Variants in PAX2 observed in about 807,000 individuals in gnomAD.
PAX2 encodes the protein paired box 2.
In PAX2, 9 loss-of-function variants were observed where a neutral mutation model predicts 41.7. The observed-to-expected ratio is 0.22, with a 90% CI of 0.13 to 0.38. The LOEUF is 0.38. Among genes scored for constraint, PAX2 ranks in the 10% least tolerant of loss-of-function variants. The probability of loss-of-function intolerance (pLI) is 1.00; values close to 1 mark genes in which losing one functional copy is unlikely to be tolerated. For missense variants in PAX2, 418 were observed against 531.6 expected, an observed-to-expected ratio of 0.79 and a Z score of 2.10; for synonymous variants, 221 against 212.7, an observed-to-expected ratio of 1.04 and a Z score of -0.34.
At chr10:100,802,062 G>A (rs1451868807) in intron 5 of PAX2, among the ~76,000 whole-genome samples, 1 of 152,184 alleles carries the variant, frequency 6.6e-6, no homozygotes, top group Non-Finnish European at 1.5e-5. Flanking sequence ...CTGGGCAGGG[G>A]GCAGACGGAG....
At chr10:100,747,875 G>C (rs956510053) in intron 1 of PAX2, 1 of 984,584 alleles carries the variant, frequency 1.0e-6, no homozygotes, top group Non-Finnish European at 1.2e-6. Flanking sequence ...CACAGCTCTC[G>C]TTCTCCTTTT....
chr10:100,760,335 C>T (rs1415929101), intron 3 of PAX2, among the ~76,000 whole-genome samples: 1 of 152,162 alleles, frequency 6.6e-6, no homozygotes, highest in East Asian at 1.9e-4. Flanking sequence ...ACTTTGATGG[C>T]CTGCCTGTTT....
Position 100,750,814 on chromosome 10 carries a change from C to T in PAX2, c.333C>T (p.Ala111=), listed in dbSNP as rs1845412480. ...AACGACAGAACCCGACTATGTTCGCCTGGGAGATTCGAGACCGGCTCCTGG... is the reference window on the plus strand; with the variant it reads ...AACGACAGAACCCGACTATGTTCGCTTGGGAGATTCGAGACCGGCTCCTGG... ...EYKRQNPTMF[A]WEIRDRLLAE... is the part of the protein sequence containing the mutation. The change falls in exon 3 of 10, where the codon GCC becomes GCT. Residue 111 remains alanine (A), a synonymous_variant. Transcript: ENST00000355243. The surrounding 1 kb of genome is among the most constrained non-coding windows in gnomAD (Gnocchi z 4.1). 1 of 1,614,150 alleles carries T rather than the reference C, an allele frequency of 6.2e-7. No individual in the cohort carries two copies. Among genetic ancestry groups the T allele is most frequent in the East Asian group, 2.2e-5 (1 of 44,878 alleles).
intron 1 of PAX2, among the ~76,000 whole-genome samples, chr10:100,746,730 C>G (rs1047445668): frequency 3.3e-5 from 5 of 152,166 alleles, no homozygotes; most frequent in African/African-American, 1.2e-4. Flanking sequence ...TTCTCTCTTC[C>G]TCTGTTTGCC....
chr10:100,794,000 G>A (rs1390601480), intron 5 of PAX2, among the ~76,000 whole-genome samples: 1 of 152,182 alleles, frequency 6.6e-6, no homozygotes, highest in Non-Finnish European at 1.5e-5. Flanking sequence ...GACTAGAAGG[G>A]CAAGCAGGAA....
chr10:100,827,555 A>G lies in PAX2; in HGVS notation c.1121A>G (p.Tyr374Cys). 6.2e-7 allele frequency: 1 copy of G among 1,613,614 alleles called. No individual in the cohort carries two copies. The highest frequency in any genetic ancestry group is 8.5e-7 in the Non-Finnish European group (1 of 1,179,604). The stretch of plus-strand genomic sequence containing the variant: ...TGTTAACTTCCAGGTTCCCCTTATT[A>G]TTATAGTGCCGCCCCCCGGGGCTCC... ...SNPALLSSPYYYSAAPRGSAP... is the reference protein window; with the variant it reads ...SNPALLSSPYCYSAAPRGSAP... The change falls in exon 10 of 10, where the codon TAT becomes TGT. Residue 374 changes from tyrosine (Y) to cysteine (C), a missense_variant. Transcript: ENST00000355243. This position sits in a 1 kb window ranked among gnomAD's most constrained non-coding sequence, Gnocchi z 8.5.
chr10:100,741,293 G>A (rs942423612), upstream of PAX2, among the ~76,000 whole-genome samples: 1 of 151,314 alleles, frequency 6.6e-6, no homozygotes, highest in African/African-American at 2.4e-5. Flanking sequence ...AGGGAGCGAG[G>A]AAGCAGAAAT....
intron 7 of PAX2, among the ~76,000 whole-genome samples, chr10:100,822,359 A>C (rs905127254): frequency 2.0e-5 from 3 of 152,144 alleles, no homozygotes; most frequent in African/African-American, 7.2e-5. Context: ...TAATATTTAC[A>C]TTTTATCCAA....
chr10:100,823,448 A>C (rs1318265262), intron 7 of PAX2, among the ~76,000 whole-genome samples: 1 of 152,182 alleles, frequency 6.6e-6, no homozygotes, highest in Non-Finnish European at 1.5e-5. Flanking sequence ...GGAGAGTAGC[A>C]AAGAGAGAGA....
At chr10:100,764,677 T>C (rs1464555917) in intron 3 of PAX2, among the ~76,000 whole-genome samples, 1 of 150,116 alleles carries the variant, frequency 6.7e-6, no homozygotes, top group Non-Finnish European at 1.5e-5. Context: ...CCAGACCTTG[T>C]GGCTGTGTGT....
At chr10:100,779,759 T>C (rs1225256796) in intron 4 of PAX2, among the ~76,000 whole-genome samples, 176 bp downstream of exon 4, 1 of 152,192 alleles carries the variant, frequency 6.6e-6, no homozygotes, top group Non-Finnish European at 1.5e-5. Flanking sequence ...ACTGGTTCTC[T>C]AGGACTGTTC....
intron 3 of PAX2, among the ~76,000 whole-genome samples, chr10:100,778,209 C>A (rs1387479843): frequency 6.6e-6 from 1 of 152,218 alleles, no homozygotes; most frequent in African/African-American, 2.4e-5. Flanking sequence ...CCCTGCCATG[C>A]AGCCCAGTGT....
chr10:100,770,026 G>A (rs1439402530), intron 3 of PAX2, among the ~76,000 whole-genome samples: 1 of 152,242 alleles, frequency 6.6e-6, no homozygotes, highest in African/African-American at 2.4e-5. Context: ...GTGATAGGAA[G>A]TGATTGTAGG....
chr10:100,760,777 G>C (rs1845812249), intron 3 of PAX2, among the ~76,000 whole-genome samples: 1 of 152,108 alleles, frequency 6.6e-6, no homozygotes. Flanking sequence ...AGCTGGTTTG[G>C]GTTAGGGGGC....
At chr10:100,803,163 A>G (rs1365448588) in intron 5 of PAX2, among the ~76,000 whole-genome samples, 6 of 152,002 alleles carry the variant, frequency 3.9e-5, no homozygotes, top group Non-Finnish European at 8.8e-5. Flanking sequence ...CAGAGAAGGT[A>G]TCAGGACACC....
At chr10:100,740,002 C>G (rs2133812196) in intron 1 of PAX2, among the ~76,000 whole-genome samples, 1 of 152,356 alleles carries the variant, frequency 6.6e-6, no homozygotes, top group African/African-American at 2.4e-5. Context: ...CTCGGCAACT[C>G]TCTAAGGTCC....
At chr10:100,809,009 C>T (rs577495429) in intron 6 of PAX2, 101 bp from the exon 7 acceptor site, 2 of 1,093,442 alleles carry the variant, frequency 1.8e-6, no homozygotes, top group Admixed American at 1.7e-5. Context: ...CTTTCTACCC[C>T]ATCTGGGCGG....
chr10:100,805,896 C>T (rs757788120), intron 5 of PAX2, among the ~76,000 whole-genome samples: 6 of 152,218 alleles, frequency 3.9e-5, no homozygotes, highest in Non-Finnish European at 8.8e-5. Flanking sequence ...GCCTCAGAGC[C>T]CCTCCTCCCT....
At chr10:100,803,177 T>C (rs188381295) in intron 5 of PAX2, among the ~76,000 whole-genome samples, 288 of 152,202 alleles carry the variant, frequency 1.9e-3, no homozygotes, top group Middle Eastern at 6.8e-3. Context: ...GGACACCCAG[T>C]CTTCAGCGAA....
Sources: allele counts gnomAD v4.1 joint callset (sites outside exome capture counted in the v4.1 genomes callset), GRCh38; gene constraint gnomAD v4.1.1; non-coding constraint Gnocchi (gnomAD v3.1); transcripts MANE v1.5; gene names NCBI Gene and HGNC (gene_info 2026-07-23, HGNC 2026-07-21).